Variants in FAM193A observed in about 807,000 individuals in gnomAD.
FAM193A encodes family with sequence similarity 193 member A, also known as protein FAM193A.
Under a neutral mutation model 126.5 loss-of-function variants are expected in FAM193A, and 22 were observed. The ratio of observed to expected loss-of-function variants is 0.17; its 90% CI spans 0.12 to 0.25. FAM193A has a LOEUF of 0.25. Ranked by LOEUF, FAM193A falls within the 10% of genes least tolerant of loss-of-function variation. FAM193A has a pLI of 1.00. For synonymous variants in FAM193A, 761 were observed against 646.8 expected, an observed-to-expected ratio of 1.18 and a Z score of -2.68; for missense variants, 1,675 against 1,672.8, an observed-to-expected ratio of 1.00 and a Z score of -0.02.
At chr4:2,656,889 G>A (rs988550390) in intron 7 of FAM193A, among the ~76,000 whole-genome samples, 1 of 152,186 alleles carries the variant, frequency 6.6e-6, no homozygotes, top group Non-Finnish European at 1.5e-5. Flanking sequence ...CTGGCCAGGC[G>A]GGCACAGTGG....
intron 5 of FAM193A, among the ~76,000 whole-genome samples, chr4:2,634,815 C>T (rs1443958486): frequency 6.6e-6 from 1 of 152,166 alleles, no homozygotes; most frequent in Non-Finnish European, 1.5e-5. Flanking sequence ...AAACACAAAA[C>T]ACAGGACTTT....
rs1013122770 is a variant in FAM193A, at chr4:2,720,090, C to T, written c.4454+3986C>T. On this transcript the variant is annotated intron_variant, in intron 20 of 20. Coordinates refer to ENST00000637812, the MANE Select transcript of FAM193A (RefSeq NM_001366318.2). ...AATTACAGGTGTGAGCCCCCGCACC[C>T]AGCTAGAAAATCCACTAATGTTAGT... 3.8e-5 allele frequency: 6 copies of T among 156,078 alleles called. No homozygotes were observed. The Admixed American group carries it at 3.9e-4, about 10-fold the overall frequency. The allele number at this position is 156,078 out of a possible 1,614,324, so 9.7% of individuals were successfully genotyped here.
At chr4:2,594,612 T>G (rs998452564) in intron 1 of FAM193A, among the ~76,000 whole-genome samples, 9 of 151,932 alleles carry the variant, frequency 5.9e-5, no homozygotes, top group African/African-American at 2.2e-4. Context: ...TCCCTGGGAG[T>G]GCCTCCCTCC....
rs753783682 is a variant in FAM193A at position 2,627,575 on chromosome 4, C to CTTTTTTTT, written c.803+1011_803+1018dup. Among the ~76,000 whole-genome samples the CTTTTTTTT allele has an allele frequency of 1.4e-4, 9 of 64,008 alleles. 1 individual carries two copies. The highest frequency in any genetic ancestry group is 4.4e-4 in the African/African-American group (8 of 18,252). 42.0% of individuals were successfully genotyped at this position (64,008 alleles called of 152,430 possible). ...TTTTGAATGCAGCACATTTGGGAGG[C>CTTTTTTTT]TTTTTTTTTTTTTTTTTTTTCAGAT... On this transcript the variant is annotated intron_variant, in intron 4 of 20. Coordinates refer to ENST00000637812, the MANE Select transcript of FAM193A (RefSeq NM_001366318.2).
intron 13 of FAM193A, among the ~76,000 whole-genome samples, chr4:2,687,981 C>T (rs1232697530): frequency 2.0e-5 from 3 of 152,196 alleles, no homozygotes; most frequent in Non-Finnish European, 4.4e-5. Context: ...GCCGAACCAT[C>T]GCCCATTCTT....
At chr4:2,718,404 T>C (rs2109384113) in intron 20 of FAM193A, among the ~76,000 whole-genome samples, 1 of 149,626 alleles carries the variant, frequency 6.7e-6, no homozygotes. Flanking sequence ...TGTTTTTGTG[T>C]GTGTTTGAAA....
intron 1 of FAM193A, among the ~76,000 whole-genome samples, chr4:2,547,280 C>T (rs940620065): frequency 5.3e-5 from 8 of 151,966 alleles, no homozygotes; most frequent in African/African-American, 1.4e-4. Flanking sequence ...TCCAGCTACT[C>T]GGGAGGTTGA....
intron 1 of FAM193A, among the ~76,000 whole-genome samples, chr4:2,554,453 T>C (rs1178143171): frequency 6.6e-6 from 1 of 152,236 alleles, no homozygotes; most frequent in Non-Finnish European, 1.5e-5. Flanking sequence ...TCATTCTTTT[T>C]ATGATTTTAA....
At chr4:2,724,820 T>C (rs187747807) in intron 20 of FAM193A, among the ~76,000 whole-genome samples, 1 of 152,296 alleles carries the variant, frequency 6.6e-6, no homozygotes, top group African/African-American at 2.4e-5. Context: ...GTGCATATCG[T>C]TATCAAGGGT....
intron 1 of FAM193A, among the ~76,000 whole-genome samples, chr4:2,567,925 G>C (rs915385441): frequency 6.6e-6 from 1 of 152,202 alleles, no homozygotes; most frequent in Non-Finnish European, 1.5e-5. Flanking sequence ...CTGCAGGGGT[G>C]TGGCTGTTGC....
chr4:2,566,051 CTT>C (rs564664549), intron 1 of FAM193A, among the ~76,000 whole-genome samples: 16 of 142,568 alleles, frequency 1.1e-4, no homozygotes, highest in Admixed American at 2.1e-4. Flanking sequence ...TGGAAAATTG[CTT>C]TTTTTTTTTT....
Position 2,700,208 on chromosome 4 carries a change from G to T in FAM193A, c.4036G>T (p.Ala1346Ser). The T allele has an allele frequency of 1.2e-6, 2 of 1,613,882 alleles. No homozygotes were observed. Among genetic ancestry groups the T allele is most frequent in the African/African-American group, 1.3e-5 (1 of 74,972 alleles). The change falls in exon 19 of 21, where the codon GCC becomes TCC. Residue 1346 changes from alanine (A) to serine (S), a missense_variant. Physicochemically the swap from Ala to Ser is moderately conservative, Grantham distance 99. This residue lies in a region of FAM193A where 415 missense variants were observed against 396.7 expected (regional missense o/e 1.05). Transcript: ENST00000637812. ...GCAGAAGCTGAGGCAGACCAGCAAG[G>T]CCAGCAGCGAGCCAGCGAGGAGGCC... ...GKQKLRQTSK[A>S]SSEPARRPTE...
intron 6 of FAM193A, among the ~76,000 whole-genome samples, chr4:2,641,522 G>A (rs371005799): frequency 5.9e-5 from 9 of 152,206 alleles, no homozygotes; most frequent in African/African-American, 2.2e-4. Context: ...GGGCGTAGTG[G>A]CGCATGCCTG....
At chr4:2,722,123 C>T (rs1720231309) in intron 20 of FAM193A, among the ~76,000 whole-genome samples, 1 of 152,210 alleles carries the variant, frequency 6.6e-6, no homozygotes, top group Non-Finnish European at 1.5e-5. Context: ...GAGAGGACAG[C>T]ACGGCGCCAC....
chr4:2,629,947 A>G (rs35546272), intron 4 of FAM193A, among the ~76,000 whole-genome samples: 2,675 of 152,252 alleles, frequency 0.018, 37 homozygotes, highest in South Asian at 0.065. Flanking sequence ...CCTGGCTAAC[A>G]TGGTGAAACC....
chr4:2,615,935 C>A (rs1311736093), intron 2 of FAM193A, among the ~76,000 whole-genome samples: 1 of 152,170 alleles, frequency 6.6e-6, no homozygotes, highest in Admixed American at 6.5e-5. Context: ...CCTCAGCCTT[C>A]TGAGTAGCTG....
At chr4:2,612,521 G>GT (rs1741941934) in intron 2 of FAM193A, among the ~76,000 whole-genome samples, 1 of 151,630 alleles carries the variant, frequency 6.6e-6, no homozygotes, top group Admixed American at 6.6e-5. Flanking sequence ...AAACAAAAAA[G>GT]TTTTTTTTGC....
chr4:2,653,719 G>A (rs965029253), intron 7 of FAM193A, among the ~76,000 whole-genome samples: 1 of 152,208 alleles, frequency 6.6e-6, no homozygotes, highest in Non-Finnish European at 1.5e-5. Flanking sequence ...TGGGATTACA[G>A]GCGTGAGCCA....
chr4:2,721,801 G>A (rs1017340750), intron 20 of FAM193A, among the ~76,000 whole-genome samples: 4 of 152,198 alleles, frequency 2.6e-5, no homozygotes, highest in Non-Finnish European at 4.4e-5. Context: ...TTGTGTGCAC[G>A]ACTAGAGGTT....
Sources: gnomAD v4.1 joint callset for allele counts (sites outside exome capture counted in the v4.1 genomes callset) on GRCh38, gnomAD v4.1.1 for gene constraint, gnomAD v4.1.1 regional missense constraint, MANE v1.5 for transcripts, NCBI Gene and HGNC (gene_info 2026-07-23, HGNC 2026-07-21) for gene names.